Variants in IL37 observed in about 807,000 individuals in gnomAD.
The protein encoded by IL37 is interleukin 37.
In IL37, 15 loss-of-function variants were observed where a neutral mutation model predicts 15.4. That is an observed-to-expected ratio of 0.98 (90% CI 0.65 to 1.50). The LOEUF is 1.50. Ranked by LOEUF, IL37 falls within the 40% of genes most tolerant of loss-of-function variation. IL37 has a pLI of 0.00. For missense variants in IL37, 269 were observed against 261.7 expected (o/e 1.03, Z -0.19); for synonymous variants, 98 against 97.4 (o/e 1.01, Z -0.03).
intron 2 of IL37, 93 bp downstream of exon 2, chr2:112,913,187 G>A (rs1683216544): frequency 2.6e-6 from 2 of 756,162 alleles, no homozygotes; most frequent in East Asian, 3.1e-5. Flanking sequence ...GTTGTTTCCT[G>A]CTGACTTGCA....
At position 112,913,830 on chromosome 2, in the gene IL37, C is replaced by A. The variant is rs1403370752; in HGVS notation, c.121C>A (p.Pro41Thr). The change falls in exon 3 of 6, where the codon CCC (proline) becomes ACC (threonine). Residue 41 changes from proline (P) to threonine (T), a missense_variant. By Grantham distance (38) the Pro-to-Thr change is conservative. Coordinates refer to ENST00000263326, the MANE Select transcript of IL37 (RefSeq NM_014439.4). ...CCCCCTGGAACCAGGCCCAAGCCTCCCCACCATGAATTTTGTTCACACAAG... is the reference window on the plus strand; with the variant it reads ...CCCCCTGGAACCAGGCCCAAGCCTCACCACCATGAATTTTGTTCACACAAG... ...GSPLEPGPSLPTMNFVHTSPK... is the reference protein window; with the variant it reads ...GSPLEPGPSLTTMNFVHTSPK... The A allele has an allele frequency of 1.2e-6, 2 of 1,613,678 alleles. No homozygotes were observed. The highest frequency in any genetic ancestry group is 2.7e-5 in the African/African-American group (2 of 74,924).
chr2:112,918,313 G>A (rs2708946), intron 5 of IL37, among the ~76,000 whole-genome samples: 14,665 of 148,378 alleles, frequency 0.099, 925 homozygotes, highest in African/African-American at 0.17. Flanking sequence ...TGACTCTTAC[G>A]TCTCTCTCTC....
Position 112,917,247 on chromosome 2 carries a change from A to G in IL37, c.264A>G (p.Pro88=). ...IAVPDKNYIR[P]EIFFALASSL... ...TTCCAGATAAAAACTACATACGCCC[A>G]GGTGACTCTCAGTTTTGGCTGTGTT... is the stretch of plus-strand genomic sequence containing the variant. The change falls in exon 4 of 6, where the codon CCA becomes CCG. Residue 88 remains proline (P), a splice_region_variant and synonymous_variant. Transcript: ENST00000263326. The G allele has an allele frequency of 6.2e-7, 1 of 1,613,872 alleles. No individual in the cohort carries two copies. Among genetic ancestry groups the G allele is most frequent in the Non-Finnish European group, 8.5e-7 (1 of 1,179,888 alleles).
chr2:112,918,601 C>T lies in IL37; in HGVS notation c.449C>T (p.Ala150Val). The change falls in exon 6 of 6, where the codon GCA becomes GTA. Residue 150 changes from alanine to valine, a missense_variant. Coordinates refer to ENST00000263326, the MANE Select transcript of IL37 (RefSeq NM_014439.4). ...AAGCTGGCTGCCCAAAAGGAATCAGCACGCCGGCCCTTCATCTTTTATAGG... is the reference window on the plus strand; with the variant it reads ...AAGCTGGCTGCCCAAAAGGAATCAGTACGCCGGCCCTTCATCTTTTATAGG... ...LMKLAAQKES[A>V]RRPFIFYRAQ... is the part of the protein sequence containing the mutation. The T allele has an allele frequency of 6.2e-7, 1 of 1,613,122 alleles. No individual in the cohort carries two copies. The highest frequency in any genetic ancestry group is 1.1e-5 in the South Asian group (1 of 91,052).
intron 3 of IL37, among the ~76,000 whole-genome samples, chr2:112,914,861 C>A (rs568251426): frequency 6.6e-6 from 1 of 152,296 alleles, no homozygotes; most frequent in South Asian, 2.1e-4. Flanking sequence ...AATACACATT[C>A]CCAGGCCCCA....
intron 3 of IL37, among the ~76,000 whole-genome samples, chr2:112,915,680 GATTCTGATGTAAGGCAGGGCTGAT>G (rs1683293112): frequency 6.6e-6 from 1 of 152,222 alleles, no homozygotes; most frequent in Non-Finnish European, 1.5e-5. Context: ...CTCCTGAGGA[GATTCTGATGTAAGGCAGGGCTGAT>G]AACCATGGAT....
At chr2:112,915,902 G>C (rs535051020) in intron 3 of IL37, among the ~76,000 whole-genome samples, 2 of 152,292 alleles carry the variant, frequency 1.3e-5, no homozygotes, top group South Asian at 4.1e-4. Flanking sequence ...GCGAGCCAAG[G>C]ATGCCAATAC....
At chr2:112,917,835 A>G (rs768156499) in intron 5 of IL37, 58 bp downstream of exon 5, 2 of 1,561,616 alleles carry the variant, frequency 1.3e-6, no homozygotes, top group African/African-American at 2.7e-5. Context: ...AAAGGCCAAG[A>G]TCCTCAATGC....
At chr2:112,918,467 T>C in intron 5 of IL37, 94 bp from the exon 6 acceptor site, 1 of 1,391,166 alleles carries the variant, frequency 7.2e-7, no homozygotes, top group South Asian at 1.5e-5. Flanking sequence ...CTTTTCCTCC[T>C]CTCCTGTGTA....
intron 4 of IL37, 54 bp downstream of exon 4, chr2:112,917,302 T>A: frequency 6.3e-7 from 1 of 1,591,900 alleles, no homozygotes; most frequent in Non-Finnish European, 8.6e-7. Flanking sequence ...GGGTAAGGCC[T>A]CCTGCTAGGT....
intron 4 of IL37, 48 bp from the exon 5 acceptor site, chr2:112,917,587 C>T (rs1262348229): frequency 4.6e-6 from 7 of 1,522,374 alleles, no homozygotes; most frequent in Non-Finnish European, 6.2e-6. Flanking sequence ...CAGGAGAGAC[C>T]TTTCCCTGCT....
intron 3 of IL37, among the ~76,000 whole-genome samples, chr2:112,916,443 G>A (rs1683312515): frequency 6.6e-6 from 1 of 152,150 alleles, no homozygotes; most frequent in South Asian, 2.1e-4. Flanking sequence ...AACCCTCTGA[G>A]CACTGTTGTG....
chr2:112,917,720 G>C lies in IL37; in HGVS notation c.351G>C (p.Glu117Asp), dbSNP rs1055224854. ...TTCTCCTGGGGGTCTCTAAAGGGGA[G>C]TTTTGTCTCTACTGTGACAAGGATA... is the stretch of plus-strand genomic sequence containing the variant. ...SPILLGVSKG[E>D]FCLYCDKDKG... Residue 117 changes from glutamate (E) to aspartate (D), a missense_variant, in exon 5 of 6, where the codon GAG (glutamate) becomes GAC (aspartate). By Grantham distance (45) the Glu-to-Asp change is conservative. Coordinates refer to ENST00000263326, the MANE Select transcript of IL37 (RefSeq NM_014439.4). The C allele has an allele frequency of 1.9e-6, 3 of 1,613,950 alleles. No individual in the cohort carries two copies. The African/African-American group carries it at 4.0e-5, about 22-fold the overall frequency.
intron 2 of IL37, among the ~76,000 whole-genome samples, chr2:112,913,472 A>G (rs974886982): frequency 1.3e-5 from 2 of 152,226 alleles, no homozygotes; most frequent in African/African-American, 4.8e-5. Context: ...TGACCCAGGC[A>G]CAGGGCATCT....
chr2:112,918,634 T>A lies in IL37; in HGVS notation c.482T>A (p.Val161Glu), dbSNP rs772888829. The stretch of plus-strand genomic sequence containing the variant: ...CCCTTCATCTTTTATAGGGCTCAGG[T>A]GGGCTCCTGGAACATGCTGGAGTCG... ...RRPFIFYRAQ[V>E]GSWNMLESAA... Residue 161 changes from valine to glutamate, a missense_variant, in exon 6 of 6, where the codon GTG (valine) becomes GAG (glutamate). Coordinates refer to ENST00000263326, the MANE Select transcript of IL37 (RefSeq NM_014439.4). The A allele has an allele frequency of 8.1e-6, 13 of 1,614,054 alleles. No individual in the cohort carries two copies. Among genetic ancestry groups the A allele is most frequent in the Admixed American group, 1.7e-5 (1 of 60,018 alleles).
intron 5 of IL37, 122 bp downstream of exon 5, chr2:112,917,899 T>C (rs1683357309): frequency 9.7e-7 from 1 of 1,026,844 alleles, no homozygotes; most frequent in African/African-American, 1.6e-5. Context: ...GACATCCACC[T>C]TTCTGGAAGC....
In IL37 at chr2:112,917,725, G is replaced by T; in HGVS notation, c.356G>T (p.Cys119Phe). The T allele has an allele frequency of 6.2e-7, 1 of 1,614,106 alleles. No homozygotes were observed. Among genetic ancestry groups the T allele is most frequent in the Middle Eastern group, 1.7e-4 (1 of 6,052 alleles). The change falls in exon 5 of 6, where the codon TGT (cysteine) becomes TTT (phenylalanine). Residue 119 changes from cysteine (C) to phenylalanine (F), a missense_variant. Physicochemically the swap from Cys to Phe is radical, Grantham distance 205. Transcript: ENST00000263326. ...ILLGVSKGEF[C>F]LYCDKDKGQS... is the part of the protein sequence containing the mutation. ...CTGGGGGTCTCTAAAGGGGAGTTTTGTCTCTACTGTGACAAGGATAAAGGA... is the reference window on the plus strand; with the variant it reads ...CTGGGGGTCTCTAAAGGGGAGTTTTTTCTCTACTGTGACAAGGATAAAGGA...
In IL37 at chr2:112,917,735, T is replaced by C; in HGVS notation, c.366T>C (p.Cys122=). The part of the protein sequence containing the change: ...GVSKGEFCLY[C]DKDKGQSHPS... ...CTAAAGGGGAGTTTTGTCTCTACTG[T>C]GACAAGGATAAAGGACAAAGTCATC... Residue 122 remains cysteine, a synonymous_variant, in exon 5 of 6, where the codon TGT becomes TGC. Transcript: ENST00000263326. The C allele has an allele frequency of 6.2e-7, 1 of 1,614,074 alleles. No homozygotes were observed.
At chr2:112,918,273 A>G (rs1296597905) in intron 5 of IL37, among the ~76,000 whole-genome samples, 1 of 151,938 alleles carries the variant, frequency 6.6e-6, no homozygotes, top group Non-Finnish European at 1.5e-5. Context: ...TAATTTTAAA[A>G]ACTATAGAGC....
Sources: gnomAD v4.1 joint callset for allele counts (sites outside exome capture counted in the v4.1 genomes callset) on GRCh38, gnomAD v4.1.1 for gene constraint, MANE v1.5 for transcripts, NCBI Gene and HGNC (gene_info 2026-07-23, HGNC 2026-07-21) for gene names.